PARD3: variants seen among roughly 807,000 people sequenced by gnomAD.
PARD3 encodes the protein partitioning defective 3 homolog.
In PARD3, 75 loss-of-function variants were observed where a neutral mutation model predicts 155.4. That is an observed-to-expected ratio of 0.48 (90% CI 0.40 to 0.58). PARD3 has a LOEUF of 0.58. Among genes scored for constraint, PARD3 ranks in the 20% least tolerant of loss-of-function variants. PARD3 has a pLI of 0.00. For synonymous variants in PARD3, 576 were observed against 610.5 expected, an observed-to-expected ratio of 0.94 and a Z score of 0.83; for missense variants, 1,642 against 1,721.7, an observed-to-expected ratio of 0.95 and a Z score of 0.82.
chr10:34,407,459 G>A (rs952644989), intron 5 of PARD3, among the ~76,000 whole-genome samples: 2 of 152,208 alleles, frequency 1.3e-5, no homozygotes, highest in African/African-American at 4.8e-5. Context: ...AGCTACCATG[G>A]CTGAAAAGCC....
intron 1 of PARD3, among the ~76,000 whole-genome samples, chr10:34,762,019 G>A (rs1469233870): frequency 6.6e-6 from 1 of 152,030 alleles, no homozygotes; most frequent in Non-Finnish European, 1.5e-5. Flanking sequence ...TTTATTTCAC[G>A]AAGCTATTTT....
At chr10:34,727,843 CAGGT>C (rs1311571298) in intron 1 of PARD3, among the ~76,000 whole-genome samples, 2 of 150,570 alleles carry the variant, frequency 1.3e-5, no homozygotes, top group South Asian at 2.1e-4. Context: ...CGCACGCACG[CAGGT>C]GAAACACAAG....
chr10:34,736,640 T>G (rs970705465), intron 1 of PARD3, among the ~76,000 whole-genome samples: 2 of 116,580 alleles, frequency 1.7e-5, no homozygotes, highest in African/African-American at 6.0e-5. Context: ...ATAGGTTACT[T>G]TATTAATTAA....
At chr10:34,669,743 C>A (rs1301158428) in intron 2 of PARD3, among the ~76,000 whole-genome samples, 1 of 152,008 alleles carries the variant, frequency 6.6e-6, no homozygotes, top group Non-Finnish European at 1.5e-5. Flanking sequence ...AATTTAATGA[C>A]TTGATGTTCT....
At chr10:34,124,647 A>G (rs541085209) in intron 23 of PARD3, among the ~76,000 whole-genome samples, 1 of 152,278 alleles carries the variant, frequency 6.6e-6, no homozygotes, top group South Asian at 2.1e-4. Context: ...GAAAAGCTTA[A>G]TTGCTCCTAA....
intron 1 of PARD3, among the ~76,000 whole-genome samples, chr10:34,811,480 C>T (rs1844170619): frequency 6.6e-6 from 1 of 152,136 alleles, no homozygotes; most frequent in Non-Finnish European, 1.5e-5. Flanking sequence ...AAGCACTGCC[C>T]TATATCAAGG....
chr10:34,693,070 C>T (rs573589264), intron 2 of PARD3, among the ~76,000 whole-genome samples: 17 of 151,956 alleles, frequency 1.1e-4, no homozygotes, highest in Admixed American at 2.0e-4. Flanking sequence ...GTGAGAAATT[C>T]GAAGAAAAAA....
Position 34,623,971 on chromosome 10 carries a change from C to T in PARD3, c.222+72347G>A, listed in dbSNP as rs1173700145. On this transcript the variant is annotated intron_variant, in intron 2 of 24. Coordinates refer to ENST00000374788, the MANE Select transcript of PARD3 (RefSeq NM_001184785.2). The stretch of plus-strand genomic sequence containing the variant: ...CTCCAGCCTGGGCCACAGAGCAAGA[C>T]TCCGTCTCAAAAAAAAAAAAAAAAG... Among the ~76,000 whole-genome samples, 6 of 147,588 alleles carry T rather than the reference C, an allele frequency of 4.1e-5. No individual in the cohort carries two copies. In the South Asian group the frequency reaches 1.3e-3, roughly 31 times the overall value.
intron 18 of PARD3, among the ~76,000 whole-genome samples, chr10:34,333,697 A>G (rs1436772306): frequency 1.3e-5 from 2 of 152,122 alleles, no homozygotes; most frequent in Non-Finnish European, 2.9e-5. Flanking sequence ...CCATGTATTT[A>G]CATATTGTCT....
chr10:34,328,190 T>C (rs1444739093), intron 19 of PARD3, among the ~76,000 whole-genome samples: 2 of 152,218 alleles, frequency 1.3e-5, no homozygotes, highest in Non-Finnish European at 2.9e-5. Flanking sequence ...TGCTGAAGTA[T>C]TGAAGATCTA....
intron 5 of PARD3, among the ~76,000 whole-genome samples, chr10:34,405,833 C>T (rs147266870): frequency 5.4e-4 from 82 of 152,304 alleles, no homozygotes; most frequent in African/African-American, 1.9e-3. Context: ...GGGACACTGG[C>T]ACACACAGAA....
chr10:34,809,624 C>G (rs1444245526), intron 1 of PARD3, among the ~76,000 whole-genome samples: 4 of 152,182 alleles, frequency 2.6e-5, no homozygotes, highest in Non-Finnish European at 5.9e-5. Flanking sequence ...GGGGGTGGAG[C>G]AGCTGCAGAG....
At chr10:34,308,612 A>C (rs1436150386) in intron 20 of PARD3, among the ~76,000 whole-genome samples, 1 of 152,168 alleles carries the variant, frequency 6.6e-6, no homozygotes, top group Non-Finnish European at 1.5e-5. Context: ...GGGGGAATCC[A>C]GCAGTGAGTT....
At chr10:34,638,834 T>G (rs1201094323) in intron 2 of PARD3, among the ~76,000 whole-genome samples, 3 of 152,216 alleles carry the variant, frequency 2.0e-5, no homozygotes, top group Non-Finnish European at 2.9e-5. Flanking sequence ...AGTTCTAAAT[T>G]GAGTTCAATC....
At chr10:34,285,294 T>C (rs1184981935) in intron 20 of PARD3, among the ~76,000 whole-genome samples, 2 of 152,216 alleles carry the variant, frequency 1.3e-5, no homozygotes, top group African/African-American at 4.8e-5. Context: ...GCCCAGTGGT[T>C]CACGCCTGTA....
At chr10:34,656,137 T>C (rs1047043767) in intron 2 of PARD3, among the ~76,000 whole-genome samples, 1 of 152,168 alleles carries the variant, frequency 6.6e-6, no homozygotes, top group Admixed American at 6.5e-5. Context: ...ATTCCCTGCC[T>C]TTGTTAAACT....
chr10:34,765,352 A>G (rs114255781), intron 1 of PARD3, among the ~76,000 whole-genome samples: 275 of 152,242 alleles, frequency 1.8e-3, no homozygotes, highest in African/African-American at 6.1e-3. Context: ...TAAACCAGGC[A>G]TGGTTTTGAG....
At chr10:34,535,526 G>A (rs775271654) in intron 2 of PARD3, among the ~76,000 whole-genome samples, 36 of 152,030 alleles carry the variant, frequency 2.4e-4, no homozygotes, top group Non-Finnish European at 4.7e-4. Context: ...TCACTCTGTC[G>A]CCCAGGCTGG....
At chr10:34,546,086 A>G (rs1434736091) in intron 2 of PARD3, among the ~76,000 whole-genome samples, 1 of 152,238 alleles carries the variant, frequency 6.6e-6, no homozygotes, top group Non-Finnish European at 1.5e-5. Context: ...GAAATACAAT[A>G]AATAAAATAT....
Sources: gnomAD v4.1 joint callset for allele counts (sites outside exome capture counted in the v4.1 genomes callset) on GRCh38, gnomAD v4.1.1 for gene constraint, MANE v1.5 for transcripts, NCBI Gene and HGNC (gene_info 2026-07-23, HGNC 2026-07-21) for gene names.